Variants in HORMAD2 observed in about 807,000 individuals in gnomAD.
HORMAD2 encodes the protein HORMA domain containing 2, also known as HORMA domain-containing protein 2.
In HORMAD2, 45 loss-of-function variants were observed where a neutral mutation model predicts 38.8. That is an observed-to-expected ratio of 1.16 (90% CI 0.91 to 1.49). The LOEUF is 1.49. HORMAD2 is among the 40% of genes most tolerant of loss of function. HORMAD2 has a pLI of 0.00. For missense variants in HORMAD2, 338 were observed against 367.0 expected (o/e 0.92, Z 0.65); for synonymous variants, 126 against 122.8 (o/e 1.03, Z -0.17).
chr22:30,110,424 C>T (rs552411712), intron 5 of HORMAD2, among the ~76,000 whole-genome samples: 34 of 138,436 alleles, frequency 2.5e-4, no homozygotes, highest in African/African-American at 5.7e-4. Flanking sequence ...CTCGCTCTGT[C>T]GCCCAGGCTG....
rs1317127318 is a variant in HORMAD2, at chr22:30,121,614, G to C, written c.411-18G>C. On this transcript the variant is annotated intron_variant, in intron 8 of 10. Transcript: ENST00000336726. ...ACTATTGTATATGATCAAAAAGTATGCTTTTTTTTCTGTGTAGTCATAGCA... is the reference window on the plus strand; with the variant it reads ...ACTATTGTATATGATCAAAAAGTATCCTTTTTTTTCTGTGTAGTCATAGCA... The C allele has an allele frequency of 7.1e-6, 11 of 1,549,712 alleles. No homozygotes were observed. Among genetic ancestry groups the C allele is most frequent in the Non-Finnish European group, 9.6e-6 (11 of 1,149,130 alleles).
intron 10 of HORMAD2, among the ~76,000 whole-genome samples, chr22:30,148,473 C>T (rs1446816468): frequency 6.6e-6 from 1 of 152,062 alleles, no homozygotes; most frequent in Non-Finnish European, 1.5e-5. Flanking sequence ...AGGATATATA[C>T]ATTTATCAAA....
intron 10 of HORMAD2, among the ~76,000 whole-genome samples, chr22:30,158,565 T>TC (rs1925235987): frequency 4.4e-5 from 3 of 67,902 alleles, no homozygotes; most frequent in East Asian, 5.1e-4. Flanking sequence ...TCCCCTCCCC[T>TC]CCCTTCCCCT....
At chr22:30,137,720 G>A (rs1417997047) in intron 10 of HORMAD2, 1 of 156,986 alleles carries the variant, frequency 6.4e-6, no homozygotes, top group Non-Finnish European at 1.4e-5. Context: ...TGTTTTCAAA[G>A]TTCATCCATG....
chr22:30,083,120 G>T (rs896701284), intron 1 of HORMAD2, among the ~76,000 whole-genome samples: 7 of 152,022 alleles, frequency 4.6e-5, no homozygotes, highest in Non-Finnish European at 1.0e-4. Context: ...AATAAAATTT[G>T]CTGAGTGTGG....
intron 1 of HORMAD2, among the ~76,000 whole-genome samples, chr22:30,086,726 T>G (rs1037078080): frequency 2.0e-5 from 3 of 152,040 alleles, no homozygotes; most frequent in African/African-American, 7.2e-5. Flanking sequence ...ATGAGACTGG[T>G]TGATTTAAAG....
At chr22:30,137,190 G>A in intron 10 of HORMAD2, 1 of 582,290 alleles carries the variant, frequency 1.7e-6, no homozygotes, top group South Asian at 1.6e-5. Flanking sequence ...TTTTTGCCCT[G>A]AACATCTTCA....
chr22:30,120,276 C>T (rs995854176), intron 8 of HORMAD2, among the ~76,000 whole-genome samples: 15 of 152,192 alleles, frequency 9.9e-5, no homozygotes, highest in African/African-American at 3.1e-4. Flanking sequence ...CCATGAGCTA[C>T]ATATCTATAG....
Position 30,112,524 on chromosome 22 carries a change from TA to T in HORMAD2, c.342+4del. 2 of 1,344,334 alleles carry T rather than the reference TA, an allele frequency of 1.5e-6. No individual in the cohort carries two copies. Among genetic ancestry groups the T allele is most frequent in the Non-Finnish European group, 2.0e-6 (2 of 1,009,642 alleles). 83.3% of individuals were successfully genotyped at this position (1,344,334 alleles called of 1,614,324 possible). On this transcript the variant is annotated splice_donor_region_variant and intron_variant, in intron 7 of 10. Transcript: ENST00000336726. Reference sequence around the variant, plus strand: ...TACACAGATCCCATGGGATCTGAGGTAAGAACACACACAAACGTATAGGTGG... The same window carrying T: ...TACACAGATCCCATGGGATCTGAGGTAGAACACACACAAACGTATAGGTGG...
intron 10 of HORMAD2, among the ~76,000 whole-genome samples, chr22:30,139,254 C>CTCTATATATATA (rs1261439013): frequency 1.0e-5 from 1 of 96,774 alleles, no homozygotes; most frequent in African/African-American, 5.0e-5. Context: ...ATGAACTGTA[C>CTCTATATATATA]TATATATATA....
intron 10 of HORMAD2, among the ~76,000 whole-genome samples, chr22:30,138,656 T>C (rs1923836562): frequency 6.6e-6 from 1 of 152,194 alleles, no homozygotes; most frequent in African/African-American, 2.4e-5. Context: ...TTATAAATTT[T>C]GTATTTATTT....
chr22:30,102,046 T>C (rs899619038), intron 3 of HORMAD2, among the ~76,000 whole-genome samples: 2 of 152,002 alleles, frequency 1.3e-5, no homozygotes, highest in Admixed American at 1.3e-4. Flanking sequence ...CCAGCTTGAG[T>C]GATACAGTGA....
the HORMAD2 span, chr22:30,207,245 G>GA: frequency 2.8e-6 from 1 of 357,094 alleles, no homozygotes; most frequent in South Asian, 2.2e-5. Context: ...TGAAGATGAG[G>GA]ACAAAGACTG....
Position 30,093,972 on chromosome 22 carries a change from C to A in HORMAD2, c.20C>A (p.Ser7Tyr). The A allele has an allele frequency of 6.2e-7, 1 of 1,608,112 alleles. No individual in the cohort carries two copies. The highest frequency in any genetic ancestry group is 8.5e-7 in the Non-Finnish European group (1 of 1,176,394). MATAQLSHCITIHKASK... is the reference protein window; with the variant it reads MATAQLYHCITIHKASK... ...CCTACAATGGCCACTGCTCAGCTTT[C>A]TCACTGCATCACAATACACAAGGCT... Residue 7 changes from serine to tyrosine, a missense_variant, in exon 2 of 11, where the codon TCT becomes TAT. By Grantham distance (144) the Ser-to-Tyr change is moderately radical (BLOSUM62 -2). Coordinates refer to ENST00000336726, the MANE Select transcript of HORMAD2 (RefSeq NM_152510.4).
At chr22:30,171,203 T>G (rs777183059) in intron 10 of HORMAD2, among the ~76,000 whole-genome samples, 13 of 152,184 alleles carry the variant, frequency 8.5e-5, no homozygotes, top group Non-Finnish European at 1.6e-4. Flanking sequence ...CCCATGGCAT[T>G]AGTTATCCTC....
intron 10 of HORMAD2, among the ~76,000 whole-genome samples, chr22:30,133,676 T>G (rs1476646456): frequency 6.6e-6 from 1 of 151,796 alleles, no homozygotes; most frequent in Non-Finnish European, 1.5e-5. Flanking sequence ...GGGTCCGTAC[T>G]GAACATGTAC....
At chr22:30,095,656 C>T (rs2146077808) in intron 2 of HORMAD2, among the ~76,000 whole-genome samples, 1 of 152,240 alleles carries the variant, frequency 6.6e-6, no homozygotes, top group Non-Finnish European at 1.5e-5. Flanking sequence ...GAACCTAAAA[C>T]AGTACCTAGA....
At chr22:30,083,810 T>C (rs532517441) in intron 1 of HORMAD2, among the ~76,000 whole-genome samples, 2 of 152,062 alleles carry the variant, frequency 1.3e-5, no homozygotes, top group Non-Finnish European at 2.9e-5. Context: ...ACCATGTTTT[T>C]TGAAAAAATA....
chr22:30,143,438 T>C (rs9625926), intron 10 of HORMAD2, among the ~76,000 whole-genome samples: 32,081 of 152,154 alleles, frequency 0.21, 3,892 homozygotes, highest in Middle Eastern at 0.38. Context: ...CTTTGCTGAA[T>C]AAAGAATTCT....
Sources: allele counts gnomAD v4.1 joint callset (sites outside exome capture counted in the v4.1 genomes callset), GRCh38; gene constraint gnomAD v4.1.1; transcripts MANE v1.5; gene names NCBI Gene and HGNC (gene_info 2026-07-23, HGNC 2026-07-21).